Variants in SCD observed in about 807,000 individuals in gnomAD.
SCD encodes the protein acyl-CoA desaturase.
In SCD, 4 loss-of-function variants were observed where a neutral mutation model predicts 35.7. The ratio of observed to expected loss-of-function variants is 0.11; its 90% CI spans 0.06 to 0.26. The LOEUF is 0.26. Ranked by LOEUF, SCD falls within the 10% of genes least tolerant of loss-of-function variation. The probability of loss-of-function intolerance (pLI) is 1.00; values close to 1 mark genes in which losing one functional copy is unlikely to be tolerated. For synonymous variants in SCD, 150 were observed against 170.2 expected (o/e 0.88, Z 0.92); for missense variants, 282 against 460.7 (o/e 0.61, Z 3.55).
chr10:100,362,402 T>A lies in SCD; in HGVS notation c.*1469T>A, dbSNP rs1023056302. 2.0e-5 allele frequency: 3 copies of A among 151,554 alleles called. No homozygotes were observed. Among genetic ancestry groups the A allele is most frequent in the Non-Finnish European group, 4.4e-5 (3 of 67,912 alleles). The allele number at this position is 151,554 out of a possible 1,614,324, so 9.4% of individuals were successfully genotyped here. A position where few individuals can be genotyped will look rare whatever the true frequency, so the allele number is the denominator to read the frequency against. On this transcript the variant is annotated 3_prime_UTR_variant, in exon 6 of 6. Transcript: ENST00000370355. ...TCATTTTTTTTTGAGGAGAAGGGGG[T>A]CTCTGTTAACATCTAGCCTAAAGTA...
intron 5 of SCD, among the ~76,000 whole-genome samples, chr10:100,360,482 C>G (rs188002102): frequency 6.6e-6 from 1 of 152,236 alleles, no homozygotes; most frequent in Non-Finnish European, 1.5e-5. Context: ...GTAATCCTAG[C>G]ACTTTGGGTG....
In SCD at chr10:100,348,317, C is replaced by G. The variant is rs201765551; in HGVS notation, c.281C>G (p.Pro94Arg). Residue 94 changes from proline to arginine, a missense_variant, in exon 2 of 6, where the codon CCT becomes CGT. By Grantham distance (103) the Pro-to-Arg change is moderately radical (BLOSUM62 -2). Around this residue, in one of 2 missense-constraint regions of SCD, gnomAD observed 205 missense variants for 372.3 expected, o/e 0.55. Coordinates refer to ENST00000370355, the MANE Select transcript of SCD (RefSeq NM_005063.5). The part of the protein sequence containing the change: ...LGALYGITLI[P>R]TCKFYTWLWG... ...GCCCTGTATGGGATCACTTTGATTC[C>G]TACCTGCAAGTTCTACACCTGGCTT... is the stretch of plus-strand genomic sequence containing the variant. The G allele has an allele frequency of 2.5e-6, 4 of 1,614,002 alleles. No homozygotes were observed. The highest frequency in any genetic ancestry group is 3.4e-6 in the Non-Finnish European group (4 of 1,179,988).
In SCD at chr10:100,363,385, T is replaced by TC. The variant is rs1294478632; in HGVS notation, c.*2453dup. On this transcript the variant is annotated 3_prime_UTR_variant, in exon 6 of 6. Transcript: ENST00000370355. Reference sequence around the variant, plus strand: ...TGCTGGAAGGGAGGAAGGCCTTTCTTCTGTGTTAATTGCGTAGAGGCTACA... The same window carrying TC: ...TGCTGGAAGGGAGGAAGGCCTTTCTTCCTGTGTTAATTGCGTAGAGGCTACA... 6.6e-6 allele frequency: 1 copy of TC among 152,242 alleles called. No homozygotes were observed. The highest frequency in any genetic ancestry group is 1.9e-4 in the East Asian group (1 of 5,196). 9.4% of individuals were successfully genotyped at this position (152,242 alleles called of 1,614,324 possible). A position where few individuals can be genotyped will look rare whatever the true frequency, so the allele number is the denominator to read the frequency against.
chr10:100,356,566 A>G lies in SCD; in HGVS notation c.682A>G (p.Ile228Val). The change falls in exon 5 of 6, where the codon ATC (isoleucine) becomes GTC (valine). Residue 228 changes from isoleucine to valine, a missense_variant. By Grantham distance (29) the Ile-to-Val change is conservative. This residue lies in a region of SCD where 205 missense variants were observed against 372.3 expected (regional missense o/e 0.55). Transcript: ENST00000370355. The surrounding 1 kb of genome is among the most constrained non-coding windows in gnomAD (Gnocchi z 4.1). ...YKPGLLMMCF[I>V]LPTLVPWYFW... ...ACCTGGCTTGCTGATGATGTGCTTC[A>G]TCCTGCCCACGCTTGTGCCCTGGTA... The G allele has an allele frequency of 6.2e-7, 1 of 1,614,050 alleles. No homozygotes were observed. The highest frequency in any genetic ancestry group is 8.5e-7 in the Non-Finnish European group (1 of 1,179,926).
Position 100,347,438 on chromosome 10 carries a change from G to A in SCD, c.-67G>A. 1 of 1,567,850 alleles carries A rather than the reference G, an allele frequency of 6.4e-7. No homozygotes were observed. The highest frequency in any genetic ancestry group is 2.3e-5 in the East Asian group (1 of 43,306). ...GCGGGCTTCGAAACCGCAGTCCTCC[G>A]GCGACCCCGAACTCCGCTCCGGAGC... is the stretch of plus-strand genomic sequence containing the variant. On this transcript the variant is annotated 5_prime_UTR_variant, in exon 1 of 6. Transcript: ENST00000370355.
At chr10:100,359,407 TCTTTCTA>T (rs1481813696) in intron 5 of SCD, among the ~76,000 whole-genome samples, 1 of 152,184 alleles carries the variant, frequency 6.6e-6, no homozygotes, top group East Asian at 1.9e-4. Flanking sequence ...AGTCCTGTCT[TCTTTCTA>T]CCCGTTGACC....
At chr10:100,348,746 T>A (rs1267642259) in intron 2 of SCD, among the ~76,000 whole-genome samples, 3 of 152,192 alleles carry the variant, frequency 2.0e-5, no homozygotes, top group Non-Finnish European at 2.9e-5. Context: ...AGGGTTTGTG[T>A]TGAGCAATCA....
chr10:100,347,972 C>T, intron 1 of SCD, 92 bp from the exon 2 acceptor site: 1 of 1,306,926 alleles, frequency 7.7e-7, no homozygotes, highest in Non-Finnish European at 1.1e-6. Context: ...TCCGTACTGT[C>T]CACCCTTCCC....
chr10:100,362,203 A>G lies in SCD; in HGVS notation c.*1270A>G, dbSNP rs781638547. ...GGCAGCTTCTAAGAGCGAACTTCAC[A>G]TAGGAAGGGATCTGAGAACACGTTG... On this transcript the variant is annotated 3_prime_UTR_variant, in exon 6 of 6. Transcript: ENST00000370355. The G allele has an allele frequency of 4.6e-5, 7 of 152,228 alleles. No homozygotes were observed. Among genetic ancestry groups the G allele is most frequent in the Non-Finnish European group, 1.0e-4 (7 of 68,030 alleles). The allele number at this position is 152,228 out of a possible 1,614,324, so 9.4% of individuals were successfully genotyped here. A position where few individuals can be genotyped will look rare whatever the true frequency, so the allele number is the denominator to read the frequency against.
At chr10:100,358,877 G>A (rs1377608229) in intron 5 of SCD, among the ~76,000 whole-genome samples, 1 of 151,962 alleles carries the variant, frequency 6.6e-6, no homozygotes, top group Non-Finnish European at 1.5e-5. Flanking sequence ...GCAATGAGCC[G>A]AGATTGTGCC....
At position 100,352,917 on chromosome 10, in the gene SCD, G is replaced by T. The variant is rs1419429227; in HGVS notation, c.441+421G>T. On this transcript the variant is annotated intron_variant, in intron 3 of 5. Transcript: ENST00000370355. The surrounding 1 kb of genome is among the most constrained non-coding windows in gnomAD (Gnocchi z 4.2). Reference sequence around the variant, plus strand: ...CTGGGAGGATCACTGGAGCCCAGGAGTTTGAAGCTGCAGTGAGCCATGATA... The same window carrying T: ...CTGGGAGGATCACTGGAGCCCAGGATTTTGAAGCTGCAGTGAGCCATGATA... Among the ~76,000 whole-genome samples the T allele has an allele frequency of 6.6e-6, 1 of 152,050 alleles. No individual in the cohort carries two copies. Among genetic ancestry groups the T allele is most frequent in the Non-Finnish European group, 1.5e-5 (1 of 68,032 alleles).
Position 100,356,650 on chromosome 10 carries a change from G to A in SCD, c.766G>A (p.Val256Met). 3 of 1,614,244 alleles carry A rather than the reference G, an allele frequency of 1.9e-6. No individual in the cohort carries two copies. The highest frequency in any genetic ancestry group is 2.5e-6 in the Non-Finnish European group (3 of 1,180,034). ...VFVATFLRYA[V>M]VLNATWLVNS... is the part of the protein sequence containing the mutation. ...CGTTGCCACTTTCTTGCGATATGCT[G>A]TGGTGCTTAATGCCACCTGGCTGGT... is the stretch of plus-strand genomic sequence containing the variant. The change falls in exon 5 of 6, where the codon GTG becomes ATG. Residue 256 changes from valine to methionine, a missense_variant. Val to Met is a conservative substitution (Grantham distance 21). Coordinates refer to ENST00000370355, the MANE Select transcript of SCD (RefSeq NM_005063.5). The surrounding 1 kb of genome is among the most constrained non-coding windows in gnomAD (Gnocchi z 4.1).
intron 5 of SCD, among the ~76,000 whole-genome samples, chr10:100,358,585 C>T (rs1364984335): frequency 2.5e-5 from 3 of 118,702 alleles, no homozygotes; most frequent in East Asian, 4.8e-4. Flanking sequence ...GGCGACAGAG[C>T]GAGACTCCGT....
At chr10:100,358,684 G>A (rs1450341734) in intron 5 of SCD, among the ~76,000 whole-genome samples, 2 of 150,746 alleles carry the variant, frequency 1.3e-5, no homozygotes, top group Non-Finnish European at 3.0e-5. Context: ...CAAAGTGGGT[G>A]GTTCACTTGA....
At position 100,361,057 on chromosome 10, in the gene SCD, A is replaced by G; in HGVS notation, c.*124A>G. ...TGATGATGTTAACCCATTCCAGTAC[A>G]GTATTCTTTTAAAATTCAAAAGTAT... On this transcript the variant is annotated 3_prime_UTR_variant, in exon 6 of 6. Transcript: ENST00000370355. 1.2e-6 allele frequency: 1 copy of G among 800,930 alleles called. No homozygotes were observed. The highest frequency in any genetic ancestry group is 1.9e-6 in the Non-Finnish European group (1 of 516,092). 49.6% of individuals were successfully genotyped at this position (800,930 alleles called of 1,614,324 possible).
chr10:100,355,173 A>ACCCCGATAG (rs1849915595), intron 4 of SCD, among the ~76,000 whole-genome samples: 5 of 152,216 alleles, frequency 3.3e-5, no homozygotes, highest in Non-Finnish European at 7.3e-5. Context: ...AAAAGTTTGT[A>ACCCCGATAG]GCCTATCGGG....
chr10:100,354,381 G>A (rs1849905816), intron 3 of SCD, 46 bp from the exon 4 acceptor site: 8 of 1,522,532 alleles, frequency 5.3e-6, no homozygotes, highest in Non-Finnish European at 6.4e-6. Context: ...TCTCCTAATA[G>A]GGTGTCTATC....
At chr10:100,357,526 AG>A (rs543123999) in intron 5 of SCD, among the ~76,000 whole-genome samples, 200 of 152,296 alleles carry the variant, frequency 1.3e-3, no homozygotes, top group Non-Finnish European at 2.4e-3. Flanking sequence ...ATTCTGGGCT[AG>A]GAACATCCCT....
chr10:100,359,606 T>TGTGTGTGACACACA (rs1396252106), intron 5 of SCD, among the ~76,000 whole-genome samples: 1 of 152,168 alleles, frequency 6.6e-6, no homozygotes, highest in Non-Finnish European at 1.5e-5. Flanking sequence ...ACACTGCAGA[T>TGTGTGTGACACACA]CATCAGGTGT....
Sources: gnomAD v4.1 joint callset for allele counts (sites outside exome capture counted in the v4.1 genomes callset) on GRCh38, gnomAD v4.1.1 for gene constraint, gnomAD v4.1.1 regional missense constraint, Gnocchi (gnomAD v3.1) non-coding constraint, MANE v1.5 for transcripts, NCBI Gene and HGNC (gene_info 2026-07-23, HGNC 2026-07-21) for gene names.